CDC42BPA: variants seen among roughly 807,000 people sequenced by gnomAD.
CDC42BPA encodes serine/threonine-protein kinase MRCK alpha.
A neutral mutation model predicts 223.5 loss-of-function variants in CDC42BPA; 80 were observed. The observed-to-expected ratio is 0.36, with a 90% confidence interval of 0.30 to 0.43. CDC42BPA has a LOEUF of 0.43. CDC42BPA is among the 20% of genes least tolerant of loss of function. The pLI is 1.00. For missense variants in CDC42BPA, 1,743 were observed against 2,099.9 expected (o/e 0.83, Z 3.32); for synonymous variants, 694 against 718.6 (o/e 0.97, Z 0.55).
intron 28 of CDC42BPA, 47 bp downstream of exon 28, chr1:227,031,251 G>T: frequency 2.1e-6 from 3 of 1,438,378 alleles, no homozygotes; most frequent in Non-Finnish European, 2.0e-6. Flanking sequence ...TCTCAAGGTA[G>T]ATTAGTAAAC....
chr1:227,080,755 A>C, intron 17 of CDC42BPA, 138 bp downstream of exon 17: 1 of 942,828 alleles, frequency 1.1e-6, no homozygotes, highest in African/African-American at 1.7e-5. Context: ...CAGTAATAAA[A>C]CTGTGCTTTT....
intron 1 of CDC42BPA, among the ~76,000 whole-genome samples, chr1:227,290,963 CTAGACAGAATCCAT>C (rs553143256): frequency 6.6e-5 from 10 of 152,298 alleles, no homozygotes; most frequent in African/African-American, 2.4e-4. Context: ...TGTTTGTTGT[CTAGACAGAATCCAT>C]TCCGTCTTCC....
At chr1:227,016,229 T>A (rs748319560) in intron 33 of CDC42BPA, 32 bp from the exon 34 acceptor site, 3 of 1,146,872 alleles carry the variant, frequency 2.6e-6, no homozygotes, top group African/African-American at 1.5e-5. Context: ...TAGATACTTT[T>A]TCCACAGTTA....
chr1:227,128,155 ACT>A (rs1374611559), intron 11 of CDC42BPA, among the ~76,000 whole-genome samples: 8 of 151,574 alleles, frequency 5.3e-5, no homozygotes, highest in Non-Finnish European at 7.4e-5. Flanking sequence ...GCCATCCAGT[ACT>A]CTCTGTTTTA....
chr1:227,273,199 G>C (rs1686263609), intron 1 of CDC42BPA, among the ~76,000 whole-genome samples: 1 of 152,102 alleles, frequency 6.6e-6, no homozygotes, highest in African/African-American at 2.4e-5. Flanking sequence ...TCGGGAGGTT[G>C]AGGCAGGAGA....
intron 1 of CDC42BPA, among the ~76,000 whole-genome samples, chr1:227,306,512 T>C (rs764152620): frequency 4.6e-5 from 7 of 152,306 alleles, no homozygotes; most frequent in East Asian, 1.9e-4. Flanking sequence ...TAGCATGTAT[T>C]AGTCAGAAAT....
intron 17 of CDC42BPA, among the ~76,000 whole-genome samples, chr1:227,076,932 T>C (rs1679616188): frequency 6.6e-6 from 1 of 152,196 alleles, no homozygotes; most frequent in South Asian, 2.1e-4. Flanking sequence ...CGAAGTCTAA[T>C]TCCTGCCTCA....
At chr1:227,207,201 C>T (rs1286687652) in intron 3 of CDC42BPA, among the ~76,000 whole-genome samples, 9 of 148,884 alleles carry the variant, frequency 6.0e-5, no homozygotes, top group East Asian at 4.0e-4. Context: ...TTTGTCCTTG[C>T]GATAGTTTGC....
In CDC42BPA at chr1:226,994,223, G is replaced by C. The variant is rs1266536800; in HGVS notation, c.*45C>G. On this transcript the variant is annotated 3_prime_UTR_variant, in exon 37 of 37. Coordinates refer to ENST00000366766, the MANE Select transcript of CDC42BPA (RefSeq NM_001394014.1). The surrounding 1 kb of genome is among the most constrained non-coding windows in gnomAD (Gnocchi z 4.0). ...GGAAGAGATGAAAGTGAGAGGAGGC[G>C]AGTGGCAGGGAGCGGAGAGCGAGAG... The C allele has an allele frequency of 9.7e-6, 15 of 1,541,178 alleles. No homozygotes were observed. The South Asian group carries it at 1.3e-4, about 13-fold the overall frequency.
intron 3 of CDC42BPA, among the ~76,000 whole-genome samples, chr1:227,204,126 G>A (rs1317849165): frequency 2.6e-5 from 4 of 152,238 alleles, no homozygotes; most frequent in Non-Finnish European, 5.9e-5. Context: ...TCTAATATTT[G>A]AGGGAAAGAA....
At chr1:227,299,741 CCA>C (rs764511000) in intron 1 of CDC42BPA, among the ~76,000 whole-genome samples, 19 of 151,850 alleles carry the variant, frequency 1.3e-4, no homozygotes, top group Non-Finnish European at 2.5e-4. Flanking sequence ...AATAAATGAC[CCA>C]CAGTCTGGAA....
At chr1:227,271,364 G>C (rs892558651) in intron 1 of CDC42BPA, among the ~76,000 whole-genome samples, 1 of 152,142 alleles carries the variant, frequency 6.6e-6, no homozygotes, top group Non-Finnish European at 1.5e-5. Context: ...GTGCACAGTA[G>C]AGGGATATGT....
chr1:227,120,638 T>C (rs676009), intron 11 of CDC42BPA, among the ~76,000 whole-genome samples: 19,647 of 152,224 alleles, frequency 0.13, 1,344 homozygotes, highest in East Asian at 0.26. Flanking sequence ...AACAACATTA[T>C]TGATTTTAAC....
rs2148203056 is a variant in CDC42BPA at position 226,994,109 on chromosome 1, TGA to T, written c.*157_*158del. The T allele has an allele frequency of 3.3e-6, 2 of 599,576 alleles. No homozygotes were observed. Among genetic ancestry groups the T allele is most frequent in the East Asian group, 3.1e-5 (1 of 32,764 alleles). The allele number at this position is 599,576 out of a possible 1,614,324, so 37.1% of individuals were successfully genotyped here. On this transcript the variant is annotated 3_prime_UTR_variant, in exon 37 of 37. Transcript: ENST00000366766. The surrounding 1 kb of genome is among the most constrained non-coding windows in gnomAD (Gnocchi z 4.0). ...TGCTGTTAGGCTGGGGGCGTGGATCTGAGAGTCGTGTCGTCAGAACTCCTGAA... is the reference window on the plus strand; with the variant it reads ...TGCTGTTAGGCTGGGGGCGTGGATCTGAGTCGTGTCGTCAGAACTCCTGAA...
At chr1:227,074,504 T>C (rs957830735) in intron 17 of CDC42BPA, 140 bp from the exon 18 acceptor site, 14 of 606,766 alleles carry the variant, frequency 2.3e-5, no homozygotes, top group East Asian at 1.7e-4. Context: ...AGGTCTACCA[T>C]AGTATACTAC....
chr1:227,065,372 C>T (rs751875371), intron 21 of CDC42BPA, among the ~76,000 whole-genome samples: 2 of 152,150 alleles, frequency 1.3e-5, no homozygotes, highest in Admixed American at 1.3e-4. Context: ...GCCTACATTC[C>T]CCCAAGTTAG....
At chr1:227,256,988 C>CA (rs1683179173) in intron 1 of CDC42BPA, among the ~76,000 whole-genome samples, 2 of 147,918 alleles carry the variant, frequency 1.4e-5, no homozygotes, top group African/African-American at 5.0e-5. Context: ...CACACACACA[C>CA]ACCAGTATGT....
chr1:227,177,110 A>G (rs1292213847), intron 5 of CDC42BPA, among the ~76,000 whole-genome samples: 2 of 111,290 alleles, frequency 1.8e-5, no homozygotes, highest in Non-Finnish European at 3.6e-5. Flanking sequence ...TTAAAGCCAT[A>G]TATTTTAAAG....
intron 1 of CDC42BPA, chr1:227,265,320 T>G: frequency 2.4e-6 from 1 of 415,710 alleles, no homozygotes; most frequent in Non-Finnish European, 4.5e-6. Flanking sequence ...CCTGTACAGG[T>G]ACCTATACCT....
Sources: allele counts gnomAD v4.1 joint callset (sites outside exome capture counted in the v4.1 genomes callset), GRCh38; gene constraint gnomAD v4.1.1; non-coding constraint Gnocchi (gnomAD v3.1); transcripts MANE v1.5; gene names NCBI Gene and HGNC (gene_info 2026-07-23, HGNC 2026-07-21).